The following ABCA13 variants were observed in gnomAD, a reference collection of about 807,000 sequenced individuals.
The protein encoded by ABCA13 is ATP-binding cassette sub-family A member 13.
In ABCA13, 476 loss-of-function variants were observed where a neutral mutation model predicts 478.7. The observed-to-expected ratio is 0.99, with a 90% CI of 0.92 to 1.07. ABCA13 has a LOEUF of 1.07. Ranked by LOEUF, ABCA13 falls within the 50% of genes least tolerant of loss-of-function variation. The pLI is 0.00. For synonymous variants in ABCA13, 2,252 were observed against 2,158.9 expected (o/e 1.04, Z -1.20); for missense variants, 6,060 against 5,910.6 (o/e 1.03, Z -0.83).
intron 20 of ABCA13, among the ~76,000 whole-genome samples, chr7:48,292,005 G>A (rs931954792): frequency 6.6e-6 from 1 of 152,094 alleles, no homozygotes. Context: ...GACCCTTTCT[G>A]TTCTCAGTCT....
intron 23 of ABCA13, among the ~76,000 whole-genome samples, chr7:48,300,913 G>A (rs996593064): frequency 6.6e-6 from 1 of 152,118 alleles, no homozygotes; most frequent in Non-Finnish European, 1.5e-5. Flanking sequence ...CTATGTTTTA[G>A]GCACATGTTC....
chr7:48,257,711 T>G (rs1487153819), intron 15 of ABCA13, among the ~76,000 whole-genome samples: 1 of 152,164 alleles, frequency 6.6e-6, no homozygotes, highest in Non-Finnish European at 1.5e-5. Flanking sequence ...GATAGTATGT[T>G]GTTGAGGATT....
In ABCA13 at chr7:48,278,676, C is replaced by G. The variant is rs1192711947; in HGVS notation, c.7482C>G (p.Pro2494=). ...GTGAAGAAAGTCACGTCCTGAAACC[C>G]CTCTTAGAAATGTCTGGGACTCTGG... ...RASEESHVLK[P]LLEMSGTLVM... The change falls in exon 18 of 62, where the codon CCC becomes CCG. Residue 2494 remains proline (P), a synonymous_variant. Coordinates refer to ENST00000435803, the MANE Select transcript of ABCA13 (RefSeq NM_152701.5). 1 of 1,613,448 alleles carries G rather than the reference C, an allele frequency of 6.2e-7. No individual in the cohort carries two copies. The highest frequency in any genetic ancestry group is 1.3e-5 in the African/African-American group (1 of 74,882).
chr7:48,586,599 G>A (rs969291664), intron 56 of ABCA13, among the ~76,000 whole-genome samples: 4 of 152,104 alleles, frequency 2.6e-5, no homozygotes, highest in Non-Finnish European at 4.4e-5. Flanking sequence ...GAGGGCGTGT[G>A]ACAAGGGGTG....
chr7:48,365,544 T>A (rs1335921110), intron 31 of ABCA13, among the ~76,000 whole-genome samples: 1 of 152,206 alleles, frequency 6.6e-6, no homozygotes, highest in African/African-American at 2.4e-5. Flanking sequence ...AGTTTTATTG[T>A]TTTGAGCTTT....
intron 55 of ABCA13, among the ~76,000 whole-genome samples, chr7:48,562,052 G>A (rs955140014): frequency 1.3e-5 from 2 of 151,484 alleles, no homozygotes; most frequent in African/African-American, 4.9e-5. Context: ...TCTTCTGGTT[G>A]GAAAGCTTCC....
Position 48,273,510 on chromosome 7 carries a change from A to T in ABCA13, c.3844A>T (p.Asn1282Tyr). 1 of 1,593,000 alleles carries T rather than the reference A, an allele frequency of 6.3e-7. No homozygotes were observed. Among genetic ancestry groups the T allele is most frequent in the Non-Finnish European group, 8.6e-7 (1 of 1,167,994 alleles). The change falls in exon 17 of 62, where the codon AAT becomes TAT. Residue 1282 changes from asparagine to tyrosine, a missense_variant. This residue lies in a region of ABCA13 where 4,423 missense variants were observed against 4,309.1 expected (regional missense o/e 1.03). Coordinates refer to ENST00000435803, the MANE Select transcript of ABCA13 (RefSeq NM_152701.5). ...FNESTSREFL[N>Y]SLLEVFIEFS... ...CGAAAGTACAAGCAGAGAGTTTTTA[A>T]ATTCTCTGCTTGAAGTTTTCATTGA...
At chr7:48,270,946 T>G (rs1584535849) in intron 16 of ABCA13, among the ~76,000 whole-genome samples, 1 of 152,204 alleles carries the variant, frequency 6.6e-6, no homozygotes, top group African/African-American at 2.4e-5. Context: ...CATGAACTGA[T>G]GTGAAGCAGT....
chr7:48,501,377 A>G (rs530751234), intron 48 of ABCA13, among the ~76,000 whole-genome samples: 31 of 152,342 alleles, frequency 2.0e-4, no homozygotes, highest in African/African-American at 6.7e-4. Context: ...AGCACTAAGC[A>G]GAAAGGCCCC....
intron 27 of ABCA13, among the ~76,000 whole-genome samples, chr7:48,323,797 T>A (rs1450311493): frequency 6.6e-6 from 1 of 152,158 alleles, no homozygotes; most frequent in Non-Finnish European, 1.5e-5. Context: ...TCCCCACGTG[T>A]CAAGGGCAGG....
intron 47 of ABCA13, among the ~76,000 whole-genome samples, chr7:48,486,871 A>T (rs941823908): frequency 6.6e-6 from 1 of 152,174 alleles, no homozygotes; most frequent in South Asian, 2.1e-4. Flanking sequence ...AGGAACATAC[A>T]TGTGCCTCTC....
At chr7:48,265,973 T>C (rs768579154) in intron 15 of ABCA13, among the ~76,000 whole-genome samples, 6 of 151,750 alleles carry the variant, frequency 4.0e-5, no homozygotes, top group Non-Finnish European at 8.9e-5. Context: ...CAGGAATAGA[T>C]GTCAGATTTG....
rs1799247379 is a variant in ABCA13, at chr7:48,295,642, C to A, written c.8956-58C>A. 5.0e-6 allele frequency: 8 copies of A among 1,599,334 alleles called. No individual in the cohort carries two copies. In the South Asian group the frequency reaches 5.5e-5, roughly 11 times the overall value. Reference sequence around the variant, plus strand: ...TTTCCTGAGACTAATGAGAATAAATCAAAATCTTACAGATAAGTATGTGTG... The same window carrying A: ...TTTCCTGAGACTAATGAGAATAAATAAAAATCTTACAGATAAGTATGTGTG... On this transcript the variant is annotated intron_variant, in intron 20 of 61. Transcript: ENST00000435803.
At chr7:48,493,331 G>T (rs1416175432) in intron 48 of ABCA13, among the ~76,000 whole-genome samples, 3 of 152,006 alleles carry the variant, frequency 2.0e-5, no homozygotes, top group Admixed American at 1.3e-4. Context: ...ATATGTACTT[G>T]CTTCTTTCGT....
intron 55 of ABCA13, among the ~76,000 whole-genome samples, chr7:48,549,366 C>T (rs1785106985): frequency 6.6e-6 from 1 of 151,850 alleles, no homozygotes; most frequent in Non-Finnish European, 1.5e-5. Context: ...CTTCCAGCTT[C>T]ATCCATGTCC....
At chr7:48,336,187 A>G (rs1429451813) in intron 28 of ABCA13, among the ~76,000 whole-genome samples, 1 of 152,160 alleles carries the variant, frequency 6.6e-6, no homozygotes, top group Non-Finnish European at 1.5e-5. Context: ...TAGTCACTGA[A>G]GTTCTCTGTA....
At chr7:48,429,787 C>T (rs1393665678) in intron 42 of ABCA13, among the ~76,000 whole-genome samples, 1 of 152,152 alleles carries the variant, frequency 6.6e-6, no homozygotes, top group East Asian at 1.9e-4. Context: ...TGGATGTTGC[C>T]AAATGCTTTC....
chr7:48,317,050 A>T, intron 26 of ABCA13, 107 bp from the exon 27 acceptor site: 1 of 1,358,222 alleles, frequency 7.4e-7, no homozygotes, highest in Non-Finnish European at 9.9e-7. Context: ...AGAAAAAAAT[A>T]TGGCTGTCAT....
At chr7:48,343,508 C>T (rs150469257) in intron 29 of ABCA13, among the ~76,000 whole-genome samples, 149 of 152,260 alleles carry the variant, frequency 9.8e-4, no homozygotes, top group African/African-American at 3.3e-3. Context: ...TACCAGGCTT[C>T]CCAAGGTTCT....
Sources: allele counts gnomAD v4.1 joint callset (sites outside exome capture counted in the v4.1 genomes callset), GRCh38; gene constraint gnomAD v4.1.1; regional missense constraint gnomAD v4.1.1; transcripts MANE v1.5; gene names NCBI Gene and HGNC (gene_info 2026-07-23, HGNC 2026-07-21).